TRAPPC9: variants seen among roughly 807,000 people sequenced by gnomAD.
TRAPPC9 encodes IKK2 binding protein.
Under a neutral mutation model 124.0 loss-of-function variants are expected in TRAPPC9, and 83 were observed. The ratio of observed to expected loss-of-function variants is 0.67; its 90% confidence interval spans 0.56 to 0.80. The LOEUF (loss-of-function observed/expected upper bound fraction) is 0.80. Ranked by LOEUF, TRAPPC9 falls within the 30% of genes least tolerant of loss-of-function variation. The probability of loss-of-function intolerance (pLI) is 0.00; values close to 1 mark genes in which losing one functional copy is unlikely to be tolerated. For synonymous variants in TRAPPC9, 638 were observed against 617.5 expected (o/e 1.03, Z -0.49); for missense variants, 1,302 against 1,508.3 (o/e 0.86, Z 2.27).
chr8:139,805,239 C>T (rs900130857), intron 21 of TRAPPC9, among the ~76,000 whole-genome samples: 4 of 152,224 alleles, frequency 2.6e-5, no homozygotes, highest in Non-Finnish European at 5.9e-5. Flanking sequence ...GTTTCAGTGG[C>T]TTTGTGGAAT....
chr8:139,837,911 C>T (rs1412736614), intron 21 of TRAPPC9, among the ~76,000 whole-genome samples: 1 of 152,176 alleles, frequency 6.6e-6, no homozygotes, highest in Non-Finnish European at 1.5e-5. Context: ...CCGGTGGCTA[C>T]ACTGTCTTCT....
rs1196247947 is a variant in TRAPPC9 at position 140,196,178 on chromosome 8, ACT to A, written c.2556+25279_2556+25280del. ...GATCACACCTGTGACACTAAAACAC[ACT>A]CAACGATCCACCATACAGATCACAC... On this transcript the variant is annotated intron_variant, in intron 17 of 22. Coordinates refer to ENST00000438773, the MANE Select transcript of TRAPPC9 (RefSeq NM_001160372.4). 7.5e-5 allele frequency among the ~76,000 whole-genome samples: 10 copies of A among 132,920 alleles called. No homozygotes were observed. In the South Asian group the frequency reaches 7.9e-4, roughly 10 times the overall value. 87.2% of individuals were successfully genotyped at this position (132,920 alleles called of 152,430 possible).
chr8:139,849,664 A>C (rs988363731), intron 21 of TRAPPC9, among the ~76,000 whole-genome samples: 25 of 152,376 alleles, frequency 1.6e-4, no homozygotes, highest in African/African-American at 5.8e-4. Context: ...TAACACCATC[A>C]TGAGTGTGAA....
intron 21 of TRAPPC9, among the ~76,000 whole-genome samples, chr8:139,754,627 G>A (rs112058077): frequency 3.8e-4 from 58 of 152,316 alleles, no homozygotes; most frequent in South Asian, 2.7e-3. Flanking sequence ...CCCATGGGTC[G>A]GCTGAAATCC....
At chr8:140,132,255 T>A (rs943245305) in intron 17 of TRAPPC9, among the ~76,000 whole-genome samples, 4 of 152,180 alleles carry the variant, frequency 2.6e-5, no homozygotes, top group African/African-American at 9.7e-5. Flanking sequence ...AACAACGTGC[T>A]CCTTGGACTT....
chr8:139,862,749 A>G (rs1350512903), intron 21 of TRAPPC9, among the ~76,000 whole-genome samples: 2 of 152,234 alleles, frequency 1.3e-5, no homozygotes, highest in Non-Finnish European at 2.9e-5. Context: ...AGTAAGCCAC[A>G]GAAAGGGAGG....
intron 8 of TRAPPC9, among the ~76,000 whole-genome samples, chr8:140,361,424 C>T (rs930561465): frequency 2.6e-5 from 4 of 152,192 alleles, no homozygotes; most frequent in Non-Finnish European, 4.4e-5. Flanking sequence ...CTGGGGTGAA[C>T]CCTCGATGAG....
intron 17 of TRAPPC9, among the ~76,000 whole-genome samples, chr8:140,184,681 T>G (rs1226518031): frequency 3.3e-5 from 5 of 152,200 alleles, no homozygotes; most frequent in African/African-American, 7.2e-5. Context: ...CCTCCTGACC[T>G]CAGTTATCCA....
At chr8:140,217,080 C>T (rs1166188755) in intron 17 of TRAPPC9, among the ~76,000 whole-genome samples, 3 of 152,158 alleles carry the variant, frequency 2.0e-5, no homozygotes, top group Non-Finnish European at 2.9e-5. Flanking sequence ...GTCCCAACCC[C>T]GGGGCACCGT....
In TRAPPC9 at chr8:140,374,292, G is replaced by A. The variant is rs545219397; in HGVS notation, c.1135-3112C>T. On this transcript the variant is annotated intron_variant, in intron 7 of 22. Coordinates refer to ENST00000438773, the MANE Select transcript of TRAPPC9 (RefSeq NM_001160372.4). ...TGTAAAGAGGAGGCAGGGGTTGGCC[G>A]GGCGCAGTGGCGCACACCTGTAATC... Among the ~76,000 whole-genome samples, 9 of 152,216 alleles carry A rather than the reference G, an allele frequency of 5.9e-5. 1 individual carries two copies. The South Asian group carries it at 1.5e-3, about 25-fold the overall frequency.
At chr8:140,215,191 T>G (rs1246969309) in intron 17 of TRAPPC9, among the ~76,000 whole-genome samples, 1 of 152,128 alleles carries the variant, frequency 6.6e-6, no homozygotes, top group Non-Finnish European at 1.5e-5. Context: ...CTGATGGATC[T>G]CAGGCAAACC....
chr8:139,896,100 G>C (rs950481552), intron 20 of TRAPPC9, among the ~76,000 whole-genome samples: 3 of 152,216 alleles, frequency 2.0e-5, no homozygotes, highest in Non-Finnish European at 4.4e-5. Context: ...AGCTAATAAA[G>C]CTAATTACCT....
intron 17 of TRAPPC9, among the ~76,000 whole-genome samples, chr8:140,192,606 C>A (rs1229850700): frequency 6.6e-6 from 1 of 152,228 alleles, no homozygotes; most frequent in Non-Finnish European, 1.5e-5. Context: ...CGCTTCAATA[C>A]CTGCAAAACC....
At chr8:140,333,774 C>G (rs2066961138) in intron 9 of TRAPPC9, among the ~76,000 whole-genome samples, 1 of 152,194 alleles carries the variant, frequency 6.6e-6, no homozygotes, top group Non-Finnish European at 1.5e-5. Flanking sequence ...ATAAATGCCC[C>G]ATGAGTGAAG....
intron 17 of TRAPPC9, among the ~76,000 whole-genome samples, chr8:140,163,592 C>T (rs971031573): frequency 2.6e-5 from 4 of 152,188 alleles, no homozygotes; most frequent in African/African-American, 7.2e-5. Context: ...GACAGGGGAA[C>T]GCTGTGCGGT....
At chr8:140,026,874 T>C (rs148443917) in intron 17 of TRAPPC9, among the ~76,000 whole-genome samples, 2 of 151,586 alleles carry the variant, frequency 1.3e-5, no homozygotes, top group Non-Finnish European at 2.9e-5. Flanking sequence ...AAAATACAGA[T>C]TTTTTTTTAA....
At chr8:139,967,918 T>C (rs887054562) in intron 19 of TRAPPC9, among the ~76,000 whole-genome samples, 2 of 152,068 alleles carry the variant, frequency 1.3e-5, no homozygotes, top group Non-Finnish European at 2.9e-5. Context: ...GCGGGCGGAC[T>C]GCCTGAGGTC....
chr8:139,993,819 T>C (rs1176250742), intron 18 of TRAPPC9, among the ~76,000 whole-genome samples: 2 of 152,204 alleles, frequency 1.3e-5, no homozygotes, highest in Non-Finnish European at 2.9e-5. Context: ...TTTTAAAATA[T>C]GTTTTAAAAT....
chr8:139,882,747 T>C (rs553396433), intron 21 of TRAPPC9, among the ~76,000 whole-genome samples: 3 of 152,244 alleles, frequency 2.0e-5, no homozygotes, highest in African/African-American at 4.8e-5. Flanking sequence ...ATAGACATCA[T>C]CTCATGTAAT....
Sources: gnomAD v4.1 joint callset for allele counts (sites outside exome capture counted in the v4.1 genomes callset) on GRCh38, gnomAD v4.1.1 for gene constraint, MANE v1.5 for transcripts, NCBI Gene and HGNC (gene_info 2026-07-23, HGNC 2026-07-21) for gene names.